The following SMAD6 variants were observed in gnomAD, a reference collection of about 807,000 sequenced individuals.
SMAD6 encodes the protein MAD homolog 6.
SMAD6 carries 103 observed loss-of-function variants against 39.4 expected under a neutral mutation model. The ratio of observed to expected loss-of-function variants is 2.62; its 90% CI spans 2.23 to 3.08. The LOEUF (loss-of-function observed/expected upper bound fraction) is 3.08, where lower values mean the gene tolerates loss of function less well. Among genes scored for constraint, SMAD6 ranks in the 30% most tolerant of loss-of-function variants. The pLI is 0.00. For synonymous variants in SMAD6, 445 were observed against 353.3 expected (o/e 1.26, Z -2.91); for missense variants, 1,104 against 742.9 (o/e 1.49, Z -5.65).
intron 3 of SMAD6, among the ~76,000 whole-genome samples, chr15:66,742,226 C>A (rs942221158): frequency 6.6e-6 from 1 of 152,180 alleles, no homozygotes; most frequent in South Asian, 2.1e-4. Context: ...CCCCTCTCCC[C>A]TTTCTCAGCC....
intron 3 of SMAD6, among the ~76,000 whole-genome samples, chr15:66,730,252 G>T (rs114554257): frequency 6.6e-6 from 1 of 152,186 alleles, no homozygotes; most frequent in Admixed American, 6.5e-5. Flanking sequence ...GGAGAAGTTG[G>T]GGTAGAGGGA....
chr15:66,768,571 C>T (rs760159850), intron 3 of SMAD6, among the ~76,000 whole-genome samples: 1 of 152,210 alleles, frequency 6.6e-6, no homozygotes, highest in Admixed American at 6.5e-5. Flanking sequence ...TTTCGAGCCA[C>T]TGAAACAAGG....
chr15:66,714,553 T>G lies in SMAD6; in HGVS notation c.875-1868T>G, dbSNP rs1302805190. On this transcript the variant is annotated intron_variant, in intron 2 of 3. Coordinates refer to ENST00000288840, the MANE Select transcript of SMAD6 (RefSeq NM_005585.5). The stretch of plus-strand genomic sequence containing the variant: ...TTGAGTAGTTGCAGCAGAGGCCGTA[T>G]AGTTCACAAAGCTGAAAATATTAAC... Among the ~76,000 whole-genome samples the G allele has an allele frequency of 2.6e-5, 4 of 152,194 alleles. No homozygotes were observed. In the East Asian group the frequency reaches 7.7e-4, roughly 29 times the overall value.
intron 1 of SMAD6, chr15:66,708,011 T>C (rs1192881933): frequency 1.3e-5 from 2 of 152,312 alleles, no homozygotes; most frequent in African/African-American, 4.8e-5. Flanking sequence ...GAGGCATGCC[T>C]GGGCTGAGCT....
chr15:66,717,032 C>T (rs148620396), intron 3 of SMAD6: 11 of 1,289,382 alleles, frequency 8.5e-6, no homozygotes, highest in South Asian at 3.7e-5. Flanking sequence ...GATAGGAAGC[C>T]GAGGGAACCG....
intron 1 of SMAD6, chr15:66,705,054 C>G (rs149930828): frequency 6.6e-6 from 1 of 152,422 alleles, no homozygotes; most frequent in Non-Finnish European, 1.5e-5. Flanking sequence ...TTAGCTGGCA[C>G]TGGGGTTTTG....
At chr15:66,775,360 T>G (rs538563084) in intron 3 of SMAD6, among the ~76,000 whole-genome samples, 1 of 152,314 alleles carries the variant, frequency 6.6e-6, no homozygotes, top group Admixed American at 6.5e-5. Flanking sequence ...TGCCTAGTTT[T>G]TGTTTATTGG....
chr15:66,725,489 C>T (rs1893506565), intron 3 of SMAD6, among the ~76,000 whole-genome samples: 1 of 152,204 alleles, frequency 6.6e-6, no homozygotes, highest in African/African-American at 2.4e-5. Flanking sequence ...TGAATCATTG[C>T]CAAGACTTTA....
intron 3 of SMAD6, chr15:66,717,025 AG>A (rs1469491796): frequency 1.6e-6 from 2 of 1,289,324 alleles, no homozygotes; most frequent in African/African-American, 3.0e-5. Context: ...ATGCTGGGAT[AG>A]GAAGCCGAGG....
At chr15:66,759,138 T>C (rs1021679014) in intron 3 of SMAD6, among the ~76,000 whole-genome samples, 1 of 152,210 alleles carries the variant, frequency 6.6e-6, no homozygotes, top group Non-Finnish European at 1.5e-5. Context: ...AAATTTCTCT[T>C]TTGCTGATTC....
At chr15:66,751,225 C>T (rs998333251) in intron 3 of SMAD6, among the ~76,000 whole-genome samples, 2 of 152,148 alleles carry the variant, frequency 1.3e-5, no homozygotes, top group African/African-American at 2.4e-5. Context: ...GCAGAGAGGG[C>T]TCAGACCTGC....
At chr15:66,772,691 C>T (rs1366284041) in intron 3 of SMAD6, among the ~76,000 whole-genome samples, 1 of 152,178 alleles carries the variant, frequency 6.6e-6, no homozygotes, top group Non-Finnish European at 1.5e-5. Context: ...TGATTGCATC[C>T]CTGTGTTACA....
intron 3 of SMAD6, among the ~76,000 whole-genome samples, chr15:66,749,019 C>T (rs997927937): frequency 1.3e-5 from 2 of 152,142 alleles, no homozygotes; most frequent in East Asian, 1.9e-4. Flanking sequence ...GTTGTGCCTT[C>T]TTGGTTCAAA....
chr15:66,756,167 A>G (rs1052838191), intron 3 of SMAD6, among the ~76,000 whole-genome samples: 1 of 152,060 alleles, frequency 6.6e-6, no homozygotes, highest in African/African-American at 2.4e-5. Flanking sequence ...GTAACATTAT[A>G]ATTACTGAAA....
intron 1 of SMAD6, among the ~76,000 whole-genome samples, chr15:66,709,330 T>C (rs1893182610): frequency 6.6e-6 from 1 of 152,188 alleles, no homozygotes; most frequent in South Asian, 2.1e-4. Context: ...GTTCATAGAT[T>C]TTCTTTCTAT....
intron 1 of SMAD6, chr15:66,708,791 C>A: frequency 2.2e-6 from 1 of 463,578 alleles, no homozygotes. Context: ...AAGTGACTGC[C>A]AATGGGGATG....
At chr15:66,766,829 T>G (rs1337468809) in intron 3 of SMAD6, among the ~76,000 whole-genome samples, 1 of 152,210 alleles carries the variant, frequency 6.6e-6, no homozygotes, top group African/African-American at 2.4e-5. Context: ...TCCCTGGGAC[T>G]CTTGTCTTTT....
chr15:66,711,491 G>T (rs576335758), intron 1 of SMAD6, among the ~76,000 whole-genome samples, 177 bp from the exon 2 acceptor site: 1 of 152,324 alleles, frequency 6.6e-6, no homozygotes, highest in Admixed American at 6.5e-5. Flanking sequence ...ATCTGTCTGT[G>T]CCCCAAGCCT....
intron 3 of SMAD6, among the ~76,000 whole-genome samples, chr15:66,759,428 T>A (rs996662802): frequency 1.3e-5 from 2 of 152,178 alleles, no homozygotes; most frequent in Non-Finnish European, 2.9e-5. Flanking sequence ...AGCTTTTGGT[T>A]ACATGGATGA....
Sources: allele counts gnomAD v4.1 joint callset (sites outside exome capture counted in the v4.1 genomes callset), GRCh38; gene constraint gnomAD v4.1.1; transcripts MANE v1.5; gene names NCBI Gene and HGNC (gene_info 2026-07-23, HGNC 2026-07-21).